The following PACRG variants were observed in gnomAD, a reference collection of about 807,000 sequenced individuals.
The protein encoded by PACRG is parkin coregulated gene protein.
PACRG carries 29 observed loss-of-function variants against 29.7 expected under a neutral mutation model. The observed-to-expected ratio is 0.98, with a 90% CI of 0.73 to 1.33. The LOEUF is 1.33. Ranked by LOEUF, PACRG falls within the 40% of genes most tolerant of loss-of-function variation. The pLI, the probability that PACRG is intolerant of heterozygous loss-of-function variation, is 0.00. For synonymous variants in PACRG, 116 were observed against 118.7 expected, an observed-to-expected ratio of 0.98 and a Z score of 0.15; for missense variants, 279 against 316.2, an observed-to-expected ratio of 0.88 and a Z score of 0.89.
At chr6:162,802,165 T>C (rs1388066145) in intron 1 of PACRG, among the ~76,000 whole-genome samples, 1 of 152,206 alleles carries the variant, frequency 6.6e-6, no homozygotes, top group African/African-American at 2.4e-5. Flanking sequence ...TCTCTTCTCC[T>C]AATAATATAT....
rs1012941288 is a variant in PACRG, at chr6:163,092,512, C to T, written c.613+3104C>T. On this transcript the variant is annotated intron_variant, in intron 4 of 4. Coordinates refer to ENST00000366888, the MANE Select transcript of PACRG (RefSeq NM_001080379.2). Reference sequence around the variant, plus strand: ...TCTTGTGTGTTCATAATATTTTTCACAGAGTTTAATTAGGCTATAGTTAAA... The same window carrying T: ...TCTTGTGTGTTCATAATATTTTTCATAGAGTTTAATTAGGCTATAGTTAAA... Among the ~76,000 whole-genome samples the T allele has an allele frequency of 4.6e-5, 7 of 152,234 alleles. No homozygotes were observed. The South Asian group carries it at 8.3e-4, about 18-fold the overall frequency.
At chr6:163,304,844 G>A (rs1452111769) in intron 4 of PACRG, among the ~76,000 whole-genome samples, 1 of 152,218 alleles carries the variant, frequency 6.6e-6, no homozygotes, top group Non-Finnish European at 1.5e-5. Context: ...GGGGCCAGAC[G>A]ACTGGGGTTT....
intron 1 of PACRG, among the ~76,000 whole-genome samples, chr6:162,778,413 A>G (rs1290549130): frequency 6.6e-6 from 1 of 152,192 alleles, no homozygotes; most frequent in African/African-American, 2.4e-5. Flanking sequence ...TTATTTATTT[A>G]ACAAACACGT....
At chr6:162,982,603 G>T (rs1213096275) in intron 2 of PACRG, among the ~76,000 whole-genome samples, 1 of 152,096 alleles carries the variant, frequency 6.6e-6, no homozygotes, top group Non-Finnish European at 1.5e-5. Context: ...CCATGTATTT[G>T]TATGGTTTTG....
At chr6:162,909,073 T>C (rs1019301137) in intron 2 of PACRG, among the ~76,000 whole-genome samples, 3 of 152,178 alleles carry the variant, frequency 2.0e-5, no homozygotes, top group African/African-American at 7.2e-5. Context: ...TTCCTTTTCC[T>C]GCTTTAGTCT....
At chr6:163,028,566 C>A (rs1231624175) in intron 2 of PACRG, among the ~76,000 whole-genome samples, 2 of 152,074 alleles carry the variant, frequency 1.3e-5, no homozygotes, top group Non-Finnish European at 2.9e-5. Context: ...CATACAAATA[C>A]ATATTAAATA....
intron 1 of PACRG, among the ~76,000 whole-genome samples, chr6:162,760,366 AG>A (rs1782252713): frequency 6.6e-6 from 1 of 152,180 alleles, no homozygotes; most frequent in Non-Finnish European, 1.5e-5. Context: ...GATCAGCAGA[AG>A]GGGATTTCAG....
chr6:163,180,680 C>CA (rs914015394), intron 4 of PACRG, among the ~76,000 whole-genome samples: 43 of 149,848 alleles, frequency 2.9e-4, no homozygotes, highest in African/African-American at 8.1e-4. Flanking sequence ...TGTATGGTTA[C>CA]AAAAAAAAAG....
At chr6:163,063,559 G>A (rs370564326) in intron 3 of PACRG, among the ~76,000 whole-genome samples, 50 of 152,142 alleles carry the variant, frequency 3.3e-4, no homozygotes, top group African/African-American at 9.7e-4. Flanking sequence ...TCATTCATTC[G>A]AATTTATCCA....
chr6:163,135,114 C>A (rs551371090), intron 4 of PACRG, among the ~76,000 whole-genome samples: 146 of 151,892 alleles, frequency 9.6e-4, no homozygotes, highest in African/African-American at 3.5e-3. Flanking sequence ...ACATATCATT[C>A]TTCAACACGC....
At chr6:162,780,194 C>G (rs1783988189) in intron 1 of PACRG, among the ~76,000 whole-genome samples, 1 of 152,054 alleles carries the variant, frequency 6.6e-6, no homozygotes, top group Non-Finnish European at 1.5e-5. Context: ...AGTTCCTTTT[C>G]CCAATAGCCA....
At chr6:162,966,090 T>G (rs1050668604) in intron 2 of PACRG, among the ~76,000 whole-genome samples, 4 of 152,172 alleles carry the variant, frequency 2.6e-5, no homozygotes, top group African/African-American at 9.7e-5. Context: ...GCTAAGCAGG[T>G]GTTTAGTATT....
chr6:163,302,496 G>A (rs1052845264), intron 4 of PACRG, among the ~76,000 whole-genome samples: 18 of 152,164 alleles, frequency 1.2e-4, no homozygotes, highest in African/African-American at 3.6e-4. Context: ...TGTAAAAGGC[G>A]TGATGGATTT....
intron 4 of PACRG, among the ~76,000 whole-genome samples, chr6:163,260,859 G>C (rs754530132): frequency 2.6e-5 from 4 of 152,176 alleles, no homozygotes; most frequent in Admixed American, 6.5e-5. Flanking sequence ...GGGACACAGC[G>C]TGTTGGCCAG....
chr6:162,846,096 C>T (rs117747481), intron 2 of PACRG, among the ~76,000 whole-genome samples: 2,219 of 152,188 alleles, frequency 0.015, 28 homozygotes, highest in Non-Finnish European at 0.023. Flanking sequence ...GGAAGCTGGA[C>T]GGAAACACTG....
At chr6:163,114,391 G>C (rs1269041432) in intron 4 of PACRG, among the ~76,000 whole-genome samples, 1 of 152,082 alleles carries the variant, frequency 6.6e-6, no homozygotes, top group Non-Finnish European at 1.5e-5. Flanking sequence ...GTAATCCTTA[G>C]GGTGACCACA....
At chr6:163,124,647 T>C (rs1193177851) in intron 4 of PACRG, among the ~76,000 whole-genome samples, 1 of 152,198 alleles carries the variant, frequency 6.6e-6, no homozygotes, top group East Asian at 1.9e-4. Context: ...AGGAATGGGA[T>C]TCCACACAAG....
At chr6:163,260,255 C>G (rs1783272177) in intron 4 of PACRG, among the ~76,000 whole-genome samples, 1 of 152,240 alleles carries the variant, frequency 6.6e-6, no homozygotes, top group African/African-American at 2.4e-5. Flanking sequence ...CTGCCTTGGT[C>G]TCTCCTGGTC....
chr6:162,847,667 C>T (rs1488618137), intron 2 of PACRG, among the ~76,000 whole-genome samples: 1 of 151,876 alleles, frequency 6.6e-6, no homozygotes, highest in East Asian at 1.9e-4. Context: ...CCGAGGTGAA[C>T]ACATGTGTCC....
Sources: allele counts gnomAD v4.1 joint callset (sites outside exome capture counted in the v4.1 genomes callset), GRCh38; gene constraint gnomAD v4.1.1; transcripts MANE v1.5; gene names NCBI Gene and HGNC (gene_info 2026-07-23, HGNC 2026-07-21).